The following PROS1 variants were observed in gnomAD, a reference collection of about 807,000 sequenced individuals.
The protein encoded by PROS1 is vitamin K-dependent protein S.
Under a neutral mutation model 75.9 loss-of-function variants are expected in PROS1, and 29 were observed. The observed-to-expected ratio is 0.38, with a 90% confidence interval of 0.28 to 0.52. PROS1 has a LOEUF of 0.52. PROS1 is among the 20% of genes least tolerant of loss of function. The pLI is 0.83. For synonymous variants in PROS1, 245 were observed against 280.6 expected (o/e 0.87, Z 1.27); for missense variants, 680 against 810.3 (o/e 0.84, Z 1.95).
At chr3:93,937,148 G>C (rs1291720071) in intron 1 of PROS1, among the ~76,000 whole-genome samples, 1 of 152,032 alleles carries the variant, frequency 6.6e-6, no homozygotes, top group Non-Finnish European at 1.5e-5. Context: ...CTTAAAATCC[G>C]AGCTCCCTGA....
chr3:93,928,715 GAA>G, intron 1 of PROS1: 1 of 1,277,954 alleles, frequency 7.8e-7, no homozygotes, highest in South Asian at 1.3e-5. Flanking sequence ...ATATAGAATA[GAA>G]AAAATTGCAT....
intron 6 of PROS1, among the ~76,000 whole-genome samples, chr3:93,905,038 G>T (rs1486685923): frequency 6.6e-6 from 1 of 152,166 alleles, no homozygotes; most frequent in Non-Finnish European, 1.5e-5. Flanking sequence ...AAGGGCTGAT[G>T]TTGGAAATCA....
intron 11 of PROS1, among the ~76,000 whole-genome samples, chr3:93,885,329 G>T (rs965367653): frequency 1.3e-5 from 2 of 152,128 alleles, no homozygotes; most frequent in Non-Finnish European, 2.9e-5. Context: ...TGGTTCAAGC[G>T]ATTCTCCTGC....
chr3:93,903,689 A>G (rs573021228), intron 6 of PROS1, among the ~76,000 whole-genome samples: 1 of 152,126 alleles, frequency 6.6e-6, no homozygotes, highest in Non-Finnish European at 1.5e-5. Flanking sequence ...AAAAACACAA[A>G]TTCTTTAGAA....
chr3:93,911,247 G>A (rs915538968), intron 3 of PROS1: 1 of 153,464 alleles, frequency 6.5e-6, no homozygotes, highest in African/African-American at 2.4e-5. Flanking sequence ...CTACAACCCT[G>A]TGAAATCAGA....
rs773475758 is a variant in PROS1, at chr3:93,955,613, TA to T, written c.76+18060del. On this transcript the variant is annotated intron_variant, in intron 1 of 14. Coordinates refer to ENST00000394236, the MANE Select transcript of PROS1 (RefSeq NM_000313.4). Reference sequence around the variant, plus strand: ...AGGGGGGATGGATAGCATTAGGAGATATGCCTGATGTAAATGATGAGTTAAT... The same window carrying T: ...AGGGGGGATGGATAGCATTAGGAGATTGCCTGATGTAAATGATGAGTTAAT... Among the ~76,000 whole-genome samples the T allele has an allele frequency of 3.3e-5, 5 of 151,852 alleles. No individual in the cohort carries two copies. In the East Asian group the frequency reaches 7.8e-4, roughly 24 times the overall value.
At chr3:93,943,817 C>G (rs1165673778) in intron 1 of PROS1, among the ~76,000 whole-genome samples, 1 of 152,094 alleles carries the variant, frequency 6.6e-6, no homozygotes, top group Non-Finnish European at 1.5e-5. Flanking sequence ...GATGACTTTA[C>G]CTTGTGAAAT....
intron 1 of PROS1, among the ~76,000 whole-genome samples, chr3:93,939,834 A>G (rs1473291079): frequency 1.3e-5 from 2 of 152,180 alleles, no homozygotes; most frequent in East Asian, 1.9e-4. Context: ...CGACATTAGA[A>G]AAAGCTCCAA....
Position 93,893,045 on chromosome 3 carries a change from G to T in PROS1, c.1043C>A (p.Ala348Glu). The T allele has an allele frequency of 6.2e-7, 1 of 1,613,894 alleles. No individual in the cohort carries two copies. Among genetic ancestry groups the T allele is most frequent in the Non-Finnish European group, 8.5e-7 (1 of 1,179,862 alleles). ...ACCACGAAGTGCAATCAGGAGCCACGCTGAGTGATCGATAGATTCTGCGTA... is the reference window on the plus strand; with the variant it reads ...ACCACGAAGTGCAATCAGGAGCCACTCTGAGTGATCGATAGATTCTGCGTA... Reference protein sequence around the residue: ...ILYAESIDHSAWLLIALRGGK... With the variant: ...ILYAESIDHSEWLLIALRGGK... The change falls in exon 10 of 15, where the codon GCG becomes GAG. Residue 348 changes from alanine to glutamate, a missense_variant. Physicochemically the swap from Ala to Glu is moderately radical, Grantham distance 107 (BLOSUM62 -1). Transcript: ENST00000394236.
intron 1 of PROS1, 173 bp downstream of exon 1, chr3:93,973,501 C>T (rs1218815583): frequency 2.9e-6 from 2 of 681,042 alleles, no homozygotes; most frequent in Non-Finnish European, 5.3e-6. Context: ...TCCTGCCCCA[C>T]CATTGCACTG....
chr3:93,912,097 A>G (rs1708766545), intron 3 of PROS1, among the ~76,000 whole-genome samples: 1 of 152,210 alleles, frequency 6.6e-6, no homozygotes, highest in Admixed American at 6.5e-5. Flanking sequence ...TACAGTGCCG[A>G]GAGTCCAAAA....
chr3:93,956,904 G>A (rs1205723369), intron 1 of PROS1, among the ~76,000 whole-genome samples: 2 of 151,992 alleles, frequency 1.3e-5, no homozygotes, highest in Non-Finnish European at 2.9e-5. Context: ...ACGTTCCCAG[G>A]AGGAAATTTA....
chr3:93,892,869 T>C, intron 10 of PROS1, 64 bp downstream of exon 10: 2 of 1,532,614 alleles, frequency 1.3e-6, no homozygotes, highest in Non-Finnish European at 1.8e-6. Flanking sequence ...ACTATAAAAA[T>C]AAATTATGAT....
At chr3:93,883,936 T>A (rs1206161759) in intron 12 of PROS1, among the ~76,000 whole-genome samples, 2 of 152,116 alleles carry the variant, frequency 1.3e-5, no homozygotes, top group African/African-American at 4.8e-5. Flanking sequence ...GGTGACAAAG[T>A]GAGACTCCAT....
intron 11 of PROS1, among the ~76,000 whole-genome samples, chr3:93,885,373 C>T (rs551955204): frequency 6.6e-6 from 1 of 152,150 alleles, no homozygotes; most frequent in South Asian, 2.1e-4. Context: ...TTACAGGTGC[C>T]CACCACCACG....
intron 9 of PROS1, among the ~76,000 whole-genome samples, chr3:93,893,795 T>A (rs1708465131): frequency 6.6e-6 from 1 of 152,190 alleles, no homozygotes; most frequent in Admixed American, 6.5e-5. Context: ...TAAGTCACTG[T>A]TGTAGAATAC....
intron 3 of PROS1, chr3:93,911,277 T>C (rs1264728336): frequency 6.5e-6 from 1 of 153,074 alleles, no homozygotes; most frequent in Admixed American, 6.5e-5. Context: ...CTGGTAGATA[T>C]TGCTAGGAAA....
intron 1 of PROS1, among the ~76,000 whole-genome samples, chr3:93,952,841 T>C (rs944535346): frequency 6.6e-6 from 1 of 151,824 alleles, no homozygotes; most frequent in African/African-American, 2.4e-5. Context: ...GTGAGACTAA[T>C]AAAGAAGAAA....
chr3:93,914,457 G>T (rs1053556511), intron 3 of PROS1, among the ~76,000 whole-genome samples: 3 of 152,176 alleles, frequency 2.0e-5, no homozygotes, highest in African/African-American at 4.8e-5. Context: ...AGCCATGGAT[G>T]GGATGGCCAA....
Sources: allele counts gnomAD v4.1 joint callset (sites outside exome capture counted in the v4.1 genomes callset), GRCh38; gene constraint gnomAD v4.1.1; transcripts MANE v1.5; gene names NCBI Gene and HGNC (gene_info 2026-07-23, HGNC 2026-07-21).